Variants in AQP7 observed in about 807,000 individuals in gnomAD.
AQP7 encodes aquaporin 7, also known as aquaporin-7.
Under a neutral mutation model 26.1 loss-of-function variants are expected in AQP7, and 22 were observed. The ratio of observed to expected loss-of-function variants is 0.84; its 90% CI spans 0.60 to 1.20. The LOEUF is 1.20. Ranked by LOEUF, AQP7 falls within the 50% of genes most tolerant of loss-of-function variation. The pLI is 0.00. For synonymous variants in AQP7, 167 were observed against 181.7 expected (o/e 0.92, Z 0.65); for missense variants, 412 against 457.5 (o/e 0.90, Z 0.91).
intron 5 of AQP7, 25 bp downstream of exon 5, chr9:33,386,379 G>A (rs745913635): frequency 1.2e-6 from 2 of 1,610,216 alleles, no homozygotes; most frequent in South Asian, 2.2e-5. Flanking sequence ...GAGGCCAGAG[G>A]CGGACACCCG....
At chr9:33,396,275 T>G (rs922267152) in intron 2 of AQP7, among the ~76,000 whole-genome samples, 1 of 151,706 alleles carries the variant, frequency 6.6e-6, no homozygotes, top group Non-Finnish European at 1.5e-5. Context: ...CCATCTCTAC[T>G]AAAAAATACA....
At chr9:33,401,556 C>G (rs551391201) in intron 1 of AQP7, 6 of 496,686 alleles carry the variant, frequency 1.2e-5, no homozygotes, top group Non-Finnish European at 1.5e-5. Context: ...TGCAGCCCGG[C>G]TTTGGACTGT....
chr9:33,396,497 C>A (rs1415532766), intron 2 of AQP7, among the ~76,000 whole-genome samples: 1 of 147,522 alleles, frequency 6.8e-6, no homozygotes, highest in African/African-American at 2.5e-5. Context: ...CTAAGTGTGG[C>A]CTTAGTCACT....
chr9:33,387,624 C>G lies in AQP7; in HGVS notation c.145-532G>C, dbSNP rs546203578. 1.7e-4 allele frequency among the ~76,000 whole-genome samples: 26 copies of G among 152,232 alleles called. 2 individuals carry two copies. In the South Asian group the frequency reaches 4.4e-3, roughly 26 times the overall value. On this transcript the variant is annotated intron_variant, in intron 3 of 7. Transcript: ENST00000297988. ...TGCCCTCAGCTTCATTTCCACTGAC[C>G]TCAGGCGGCATTCCCAAGCTGCTGC...
rs2118756702 is a variant in AQP7 at position 33,384,058 on chromosome 9, C to T, written c.*947G>A. 6.6e-6 allele frequency: 1 copy of T among 152,408 alleles called. No individual in the cohort carries two copies. The highest frequency in any genetic ancestry group is 1.5e-5 in the Non-Finnish European group (1 of 68,070). 9.4% of individuals were successfully genotyped at this position (152,408 alleles called of 1,614,324 possible). A position where few individuals can be genotyped will look rare whatever the true frequency, so the allele number is the denominator to read the frequency against. On this transcript the variant is annotated 3_prime_UTR_variant, in exon 8 of 8. Coordinates refer to ENST00000297988, the MANE Select transcript of AQP7 (RefSeq NM_001170.3). The stretch of plus-strand genomic sequence containing the variant: ...ATTATTGAAAGGCAAAATGCATGAG[C>T]AAGGACAGGAACCATGGGTGATGCT...
chr9:33,397,536 TG>T (rs1825944589), intron 2 of AQP7, among the ~76,000 whole-genome samples: 1 of 152,066 alleles, frequency 6.6e-6, no homozygotes, highest in Non-Finnish European at 1.5e-5. Flanking sequence ...TTTGTTTCTC[TG>T]GGGTAAGGAA....
At chr9:33,385,326 G>T in intron 7 of AQP7, 36 bp from the exon 8 acceptor site, 1 of 1,587,402 alleles carries the variant, frequency 6.3e-7, no homozygotes, top group Non-Finnish European at 8.6e-7. Flanking sequence ...TGAGGGGGCT[G>T]ATGCCCAGGA....
rs747557155 is a variant in AQP7 at position 33,386,983 on chromosome 9, G to A, written c.254C>T (p.Ala85Val). The A allele has an allele frequency of 2.6e-5, 42 of 1,611,850 alleles. No homozygotes were observed. In the South Asian group the frequency reaches 4.1e-4, roughly 16 times the overall value. Residue 85 changes from alanine (A) to valine (V), a missense_variant, in exon 4 of 8, where the codon GCA (alanine) becomes GTA (valine). Physicochemically the swap from Ala to Val is moderately conservative, Grantham distance 64 (BLOSUM62 0). Transcript: ENST00000297988. ...GGCTCACTCACCAGAGATGCGGCCT[G>A]CCACGTGCACTCCCATGGTGACTCC... Reference protein sequence around the residue: ...GFGVTMGVHVAGRISGAHMNA... With the variant: ...GFGVTMGVHVVGRISGAHMNA...
chr9:33,388,781 T>C (rs996618057), intron 3 of AQP7, among the ~76,000 whole-genome samples: 23 of 152,226 alleles, frequency 1.5e-4, no homozygotes, highest in African/African-American at 5.5e-4. Flanking sequence ...TCCAGGCAGT[T>C]ACCTGTGCCA....
chr9:33,394,482 CTCTCTT>C (rs1825679392), intron 3 of AQP7, among the ~76,000 whole-genome samples: 1 of 137,142 alleles, frequency 7.3e-6, no homozygotes, highest in Non-Finnish European at 1.5e-5. Flanking sequence ...CAATCTCTCT[CTCTCTT>C]TTTTTTTTTT....
chr9:33,386,024 C>G, intron 6 of AQP7, 53 bp downstream of exon 6: 3 of 1,606,686 alleles, frequency 1.9e-6, no homozygotes, highest in Non-Finnish European at 2.6e-6. Flanking sequence ...CCTGCTGGCT[C>G]CGTCCTGAGG....
At chr9:33,399,492 G>GC (rs895204946) in intron 2 of AQP7, among the ~76,000 whole-genome samples, 2 of 152,052 alleles carry the variant, frequency 1.3e-5, no homozygotes, top group African/African-American at 4.8e-5. Context: ...CAGCTGGGGG[G>GC]GGAGGGGCTG....
intron 2 of AQP7, among the ~76,000 whole-genome samples, chr9:33,399,494 G>A (rs1435267684): frequency 1.3e-5 from 2 of 151,882 alleles, no homozygotes; most frequent in African/African-American, 4.8e-5. Flanking sequence ...GCTGGGGGGG[G>A]AGGGGCTGAG....
At chr9:33,386,623 G>C in intron 4 of AQP7, 82 bp from the exon 5 acceptor site, 2 of 1,502,394 alleles carry the variant, frequency 1.3e-6, no homozygotes, top group Non-Finnish European at 1.8e-6. Context: ...ACGATGGCTA[G>C]TGTGTATGAC....
At chr9:33,390,952 A>T (rs2989925) in intron 3 of AQP7, among the ~76,000 whole-genome samples, 49,663 of 151,996 alleles carry the variant, frequency 0.33, 8,912 homozygotes, top group African/African-American at 0.48. Flanking sequence ...TCTACTAAAG[A>T]TACAAAAAAT....
rs4008660 is a variant in AQP7 at position 33,387,202 on chromosome 9, A to G, written c.145-110T>C. 5,339 of 1,343,090 alleles carry G rather than the reference A, an allele frequency of 4.0e-3. 17 individuals carry two copies. Among genetic ancestry groups the G allele is most frequent in the Middle Eastern group, 7.5e-3 (28 of 3,734 alleles). The allele number at this position is 1,343,090 out of a possible 1,614,324, so 83.2% of individuals were successfully genotyped here. ...CCCCCATGCCCTGGGCCTCCCTGGC[A>G]TTGCCTCGAAGACCCGCTGCCACGC... is the stretch of plus-strand genomic sequence containing the variant. On this transcript the variant is annotated intron_variant, in intron 3 of 7. Coordinates refer to ENST00000297988, the MANE Select transcript of AQP7 (RefSeq NM_001170.3).
intron 3 of AQP7, among the ~76,000 whole-genome samples, chr9:33,392,249 G>A (rs1825474336): frequency 6.6e-6 from 1 of 151,930 alleles, no homozygotes; most frequent in South Asian, 2.1e-4. Context: ...GGGAGATGGA[G>A]GTTGCAGTGA....
Position 33,384,797 on chromosome 9 carries a change from C to T in AQP7, c.*208G>A, listed in dbSNP as rs924257544. ...CTGAGGGCGCAGGTCATCTCTTCCC[C>T]ATTCTCCCCCTGGGGCACCCCAGTT... On this transcript the variant is annotated 3_prime_UTR_variant, in exon 8 of 8. Coordinates refer to ENST00000297988, the MANE Select transcript of AQP7 (RefSeq NM_001170.3). The T allele has an allele frequency of 2.5e-5, 15 of 594,268 alleles. No homozygotes were observed. Among genetic ancestry groups the T allele is most frequent in the Non-Finnish European group, 3.8e-5 (13 of 341,970 alleles). The allele number at this position is 594,268 out of a possible 1,614,324, so 36.8% of individuals were successfully genotyped here.
chr9:33,396,799 T>C (rs1825884805), intron 2 of AQP7, among the ~76,000 whole-genome samples: 1 of 150,846 alleles, frequency 6.6e-6, no homozygotes, highest in Non-Finnish European at 1.5e-5. Flanking sequence ...CTCATCACAC[T>C]GCATAGTAAT....
Sources: gnomAD v4.1 joint callset for allele counts (sites outside exome capture counted in the v4.1 genomes callset) on GRCh38, gnomAD v4.1.1 for gene constraint, MANE v1.5 for transcripts, NCBI Gene and HGNC (gene_info 2026-07-23, HGNC 2026-07-21) for gene names.